ICA1L: variants seen among roughly 807,000 people sequenced by gnomAD.
The protein encoded by ICA1L is islet cell autoantigen 1 like.
A neutral mutation model predicts 61.3 loss-of-function variants in ICA1L; 50 were observed. That is an observed-to-expected ratio of 0.82 (90% CI 0.65 to 1.03). The LOEUF (loss-of-function observed/expected upper bound fraction) is 1.03, where lower values mean the gene tolerates loss of function less well. ICA1L is among the 50% of genes least tolerant of loss of function. The pLI is 0.00. For missense variants in ICA1L, 508 were observed against 556.7 expected (o/e 0.91, Z 0.88); for synonymous variants, 161 against 191.3 (o/e 0.84, Z 1.31).
chr2:202,800,142 A>G (rs1693050739), intron 9 of ICA1L, among the ~76,000 whole-genome samples: 1 of 152,070 alleles, frequency 6.6e-6, no homozygotes. Context: ...TGGCCTCCCA[A>G]AGTGCTGGGA....
Position 202,774,894 on chromosome 2 carries a change from C to T in ICA1L, c.*4639G>A, listed in dbSNP as rs915629650. On this transcript the variant is annotated 3_prime_UTR_variant, in exon 13 of 13. Transcript: ENST00000358299. Reference sequence around the variant, plus strand: ...AAAACATACACTGCAAAATCTCACCCACAACACCAGTCAGAACTTCATCTC... The same window carrying T: ...AAAACATACACTGCAAAATCTCACCTACAACACCAGTCAGAACTTCATCTC... 6.6e-6 allele frequency: 1 copy of T among 152,270 alleles called. No homozygotes were observed. The highest frequency in any genetic ancestry group is 2.4e-5 in the African/African-American group (1 of 41,448). 9.4% of individuals were successfully genotyped at this position (152,270 alleles called of 1,614,324 possible). A position where few individuals can be genotyped will look rare whatever the true frequency, so the allele number is the denominator to read the frequency against.
intron 12 of ICA1L, among the ~76,000 whole-genome samples, chr2:202,783,597 G>A (rs1436146254): frequency 2.6e-5 from 4 of 152,206 alleles, no homozygotes; most frequent in African/African-American, 9.6e-5. Flanking sequence ...TTGAGGAACT[G>A]TTCCAGATTA....
At chr2:202,780,502 A>G (rs1390814774) in intron 12 of ICA1L, among the ~76,000 whole-genome samples, 1 of 152,232 alleles carries the variant, frequency 6.6e-6, no homozygotes, top group Non-Finnish European at 1.5e-5. Context: ...AAGAATGCAC[A>G]GTGGCACAGA....
intron 5 of ICA1L, among the ~76,000 whole-genome samples, chr2:202,817,780 G>T (rs997954060): frequency 6.6e-6 from 1 of 152,130 alleles, no homozygotes; most frequent in Non-Finnish European, 1.5e-5. Context: ...GAAAGTATGA[G>T]ATAATAGATG....
At position 202,779,433 on chromosome 2, in the gene ICA1L, C is replaced by T. The variant is rs1028962657; in HGVS notation, c.*100G>A. The stretch of plus-strand genomic sequence containing the variant: ...TGACAGGTGTTATATTCACAAACAC[C>T]GTGCTTTTGTGTGCGGGTTACAATC... On this transcript the variant is annotated 3_prime_UTR_variant, in exon 13 of 13. Transcript: ENST00000358299. 2.0e-5 allele frequency: 13 copies of T among 656,138 alleles called. No individual in the cohort carries two copies. The highest frequency in any genetic ancestry group is 7.3e-5 in the African/African-American group (4 of 54,898). 40.6% of individuals were successfully genotyped at this position (656,138 alleles called of 1,614,324 possible).
At chr2:202,844,976 T>C (rs1694427938) in intron 1 of ICA1L, among the ~76,000 whole-genome samples, 1 of 152,182 alleles carries the variant, frequency 6.6e-6, no homozygotes, top group South Asian at 2.1e-4. Flanking sequence ...TGGCATGTGG[T>C]CCCCCTTCCT....
At chr2:202,795,716 T>C (rs1413230976) in intron 10 of ICA1L, among the ~76,000 whole-genome samples, 2 of 152,098 alleles carry the variant, frequency 1.3e-5, no homozygotes, top group African/African-American at 4.8e-5. Context: ...CAAGATGTTA[T>C]CTCAATACTA....
intron 7 of ICA1L, among the ~76,000 whole-genome samples, chr2:202,815,551 C>A (rs1693509316): frequency 6.6e-6 from 1 of 152,156 alleles, no homozygotes; most frequent in South Asian, 2.1e-4. Context: ...CTTTCCATCA[C>A]TTGTTCCTCT....
rs73054766 is a variant in ICA1L at position 202,776,312 on chromosome 2, T to A, written c.*3221A>T. On this transcript the variant is annotated 3_prime_UTR_variant, in exon 13 of 13. Transcript: ENST00000358299. ...CACACTAGGCAAAGTTTAGCTCGTC[T>A]GGTTTTTTTTAGACTTAAAACACAT... 6.6e-5 allele frequency: 10 copies of A among 151,964 alleles called. No homozygotes were observed. Among genetic ancestry groups the A allele is most frequent in the African/African-American group, 2.4e-4 (10 of 41,196 alleles). The allele number at this position is 151,964 out of a possible 1,614,324, so 9.4% of individuals were successfully genotyped here.
In ICA1L at chr2:202,843,945, CCT is replaced by C. The variant is rs533986130; in HGVS notation, c.-7-14931_-7-14930del. Reference sequence around the variant, plus strand: ...TCCTTGTATCACTTTCTTGCCAATCCCTACCTTATCAGAAGCAATGAATGTGT... The same window carrying C: ...TCCTTGTATCACTTTCTTGCCAATCCACCTTATCAGAAGCAATGAATGTGT... On this transcript the variant is annotated intron_variant, in intron 1 of 12. Transcript: ENST00000358299. Among the ~76,000 whole-genome samples the C allele has an allele frequency of 5.0e-3, 760 of 152,284 alleles. 7 individuals carry two copies. Among genetic ancestry groups the C allele is most frequent in the African/African-American group, 0.017 (722 of 41,554 alleles).
rs925091991 is a variant in ICA1L at position 202,779,607 on chromosome 2, G to C, written c.1375C>G (p.Leu459Val). 2 of 1,613,412 alleles carry C rather than the reference G, an allele frequency of 1.2e-6. No individual in the cohort carries two copies. Among genetic ancestry groups the C allele is most frequent in the Admixed American group, 3.3e-5 (2 of 59,786 alleles). ...GAAAGTGGATCCAAGTCTGCAAACA[G>C]ATTGAACCAGGCTGACATGTCTTGG... is the stretch of plus-strand genomic sequence containing the variant. ...GNQDMSAWFNLFADLDPLSNP... is the reference protein window; with the variant it reads ...GNQDMSAWFNVFADLDPLSNP... The change falls in exon 13 of 13, where the codon CTG becomes GTG. Residue 459 changes from leucine to valine, a missense_variant. Coordinates refer to ENST00000358299, the MANE Select transcript of ICA1L (RefSeq NM_001288622.3).
At chr2:202,865,675 A>G (rs1284088141) in intron 1 of ICA1L, among the ~76,000 whole-genome samples, 3 of 152,242 alleles carry the variant, frequency 2.0e-5, no homozygotes, top group Admixed American at 6.5e-5. Context: ...AGAATCTTTT[A>G]AAAATCTACT....
chr2:202,848,478 G>A (rs1694526786), intron 1 of ICA1L, among the ~76,000 whole-genome samples: 1 of 152,178 alleles, frequency 6.6e-6, no homozygotes, highest in Non-Finnish European at 1.5e-5. Flanking sequence ...AGAGATCTGA[G>A]CTGACTGGCA....
rs571083590 is a variant in ICA1L, at chr2:202,829,192, C to CA, written c.-7-177dup. The stretch of plus-strand genomic sequence containing the variant: ...TGAAACCCTGTCTCTACTAAAAATA[C>CA]AAAAAAAAATTAGCCGGGCATGGTG... On this transcript the variant is annotated intron_variant, in intron 1 of 12. Transcript: ENST00000358299. 2.1e-3 allele frequency: 754 copies of CA among 355,550 alleles called. 2 individuals carry two copies. Among genetic ancestry groups the CA allele is most frequent in the South Asian group, 1.4e-3 (21 of 14,650 alleles). 22.0% of individuals were successfully genotyped at this position (355,550 alleles called of 1,614,324 possible).
chr2:202,871,656 C>G lies in ICA1L; in HGVS notation c.-45G>C, dbSNP rs928310924. ...TCCGCCTCCTCGGGTCGCGTTCGGC[C>G]GTACGGTGATCCGTCCCGGCACCCG... is the stretch of plus-strand genomic sequence containing the variant. On this transcript the variant is annotated 5_prime_UTR_variant, in exon 1 of 13. Coordinates refer to ENST00000358299, the MANE Select transcript of ICA1L (RefSeq NM_001288622.3). The G allele has an allele frequency of 2.0e-5, 3 of 152,400 alleles. No homozygotes were observed. The highest frequency in any genetic ancestry group is 7.2e-5 in the African/African-American group (3 of 41,464). 9.4% of individuals were successfully genotyped at this position (152,400 alleles called of 1,614,324 possible). A position where few individuals can be genotyped will look rare whatever the true frequency, so the allele number is the denominator to read the frequency against.
intron 1 of ICA1L, among the ~76,000 whole-genome samples, chr2:202,836,844 G>GATATATAGATATAGATATAGAT (rs375987751): frequency 9.2e-5 from 6 of 65,226 alleles, no homozygotes; most frequent in Admixed American, 4.5e-4. Context: ...CAGATATATA[G>GATATATAGATATAGATATAGAT]ATATAGATAT....
chr2:202,785,419 T>C (rs936919168), intron 12 of ICA1L, among the ~76,000 whole-genome samples: 4 of 152,170 alleles, frequency 2.6e-5, no homozygotes, highest in Non-Finnish European at 5.9e-5. Flanking sequence ...GCTCACAGTT[T>C]CTTTCTTTCT....
intron 11 of ICA1L, chr2:202,786,741 G>T (rs752049107): frequency 9.3e-6 from 4 of 431,398 alleles, no homozygotes; most frequent in South Asian, 6.5e-5. Flanking sequence ...GAAGGAAGAA[G>T]TACATGCATG....
chr2:202,812,983 G>A (rs888272715), intron 8 of ICA1L, among the ~76,000 whole-genome samples: 4 of 152,124 alleles, frequency 2.6e-5, no homozygotes, highest in Non-Finnish European at 5.9e-5. Context: ...TATTGGCCAG[G>A]CGTGATGGCT....
Sources: allele counts gnomAD v4.1 joint callset (sites outside exome capture counted in the v4.1 genomes callset), GRCh38; gene constraint gnomAD v4.1.1; transcripts MANE v1.5; gene names NCBI Gene and HGNC (gene_info 2026-07-23, HGNC 2026-07-21).